PCSK5: variants seen among roughly 807,000 people sequenced by gnomAD.
The protein encoded by PCSK5 is proprotein convertase subtilisin/kexin type 5.
In PCSK5, 129 loss-of-function variants were observed where a neutral mutation model predicts 233.2. The observed-to-expected ratio is 0.55, with a 90% CI of 0.48 to 0.64. The LOEUF is 0.64. Ranked by LOEUF, PCSK5 falls within the 30% of genes least tolerant of loss-of-function variation. The pLI, the probability that PCSK5 is intolerant of heterozygous loss-of-function variation, is 0.00. For synonymous variants in PCSK5, 825 were observed against 879.2 expected, an observed-to-expected ratio of 0.94 and a Z score of 1.09; for missense variants, 2,076 against 2,430.1, an observed-to-expected ratio of 0.85 and a Z score of 3.06.
intron 28 of PCSK5, among the ~76,000 whole-genome samples, chr9:76,302,710 C>G (rs1217898998): frequency 1.3e-5 from 2 of 152,058 alleles, no homozygotes; most frequent in Admixed American, 1.3e-4. Flanking sequence ...GAATGATTTC[C>G]AAATATATTG....
chr9:76,253,212 G>T (rs980722275), intron 24 of PCSK5, among the ~76,000 whole-genome samples: 1 of 151,854 alleles, frequency 6.6e-6, no homozygotes, highest in South Asian at 2.1e-4. Flanking sequence ...ATGGGCAGAT[G>T]GGGAAGGGAC....
intron 27 of PCSK5, among the ~76,000 whole-genome samples, chr9:76,298,832 G>A (rs902111285): frequency 3.3e-5 from 5 of 152,140 alleles, no homozygotes; most frequent in East Asian, 1.9e-4. Context: ...GTACCAGAAC[G>A]TTTTTCTGTT....
intron 24 of PCSK5, among the ~76,000 whole-genome samples, chr9:76,268,333 C>T (rs1345709005): frequency 6.6e-6 from 1 of 152,140 alleles, no homozygotes; most frequent in Admixed American, 6.6e-5. Context: ...TTTCTCTATA[C>T]CTGAATCATA....
At chr9:76,180,690 C>A (rs1006264071) in intron 15 of PCSK5, among the ~76,000 whole-genome samples, 10 of 152,140 alleles carry the variant, frequency 6.6e-5, no homozygotes, top group Non-Finnish European at 1.0e-4. Context: ...CTCCAGTCCC[C>A]CAGACAGACC....
intron 9 of PCSK5, among the ~76,000 whole-genome samples, chr9:76,122,816 CTTTTTTTTTTCT>C (rs1309070488): frequency 7.7e-6 from 1 of 130,516 alleles, no homozygotes; most frequent in African/African-American, 2.9e-5. Flanking sequence ...CTTATTTTTT[CTTTTTTTTTTCT>C]TTTTTTTTTT....
At chr9:76,187,588 C>A (rs1418392302) in intron 17 of PCSK5, among the ~76,000 whole-genome samples, 1 of 152,094 alleles carries the variant, frequency 6.6e-6, no homozygotes, top group East Asian at 1.9e-4. Context: ...GTCTCAAACT[C>A]CTGGCTTCGA....
rs1218524050 is a variant in PCSK5, at chr9:76,134,156, C to G, written c.1256C>G (p.Ser419Cys). ...GTACAGCATGTTATTGTCAGGACTT[C>G]CCGTGCGGGACATTTGAACGCTAAT... The part of the protein sequence containing the change: ...RDVQHVIVRT[S>C]RAGHLNANDW... Residue 419 changes from serine to cysteine, a missense_variant, in exon 10 of 38, where the codon TCC (serine) becomes TGC (cysteine). By Grantham distance (112) the Ser-to-Cys change is moderately radical (BLOSUM62 -1). Coordinates refer to ENST00000674117, the MANE Select transcript of PCSK5 (RefSeq NM_001372043.1). The G allele has an allele frequency of 6.2e-7, 1 of 1,610,224 alleles. No homozygotes were observed. Among genetic ancestry groups the G allele is most frequent in the Non-Finnish European group, 8.5e-7 (1 of 1,178,354 alleles).
chr9:76,144,137 C>G (rs908997753), intron 10 of PCSK5, among the ~76,000 whole-genome samples: 7 of 152,020 alleles, frequency 4.6e-5, no homozygotes, highest in Non-Finnish European at 2.9e-5. Flanking sequence ...TATTCATATT[C>G]TTTTTCTCGG....
rs1338663329 is a variant in PCSK5, at chr9:76,321,549, A to T, written c.4012A>T (p.Asn1338Tyr). ...HVLHHGVCQE[N>Y]CPERHVAVKG... ...CCTGCACCACGGAGTGTGCCAGGAA[A>T]ACTGCCCCGAGAGGCACGTGGCTGT... Residue 1338 changes from asparagine (N) to tyrosine (Y), a missense_variant, in exon 31 of 38, where the codon AAC becomes TAC. By Grantham distance (143) the Asn-to-Tyr change is moderately radical. Coordinates refer to ENST00000674117, the MANE Select transcript of PCSK5 (RefSeq NM_001372043.1). 6 of 1,612,696 alleles carry T rather than the reference A, an allele frequency of 3.7e-6. No homozygotes were observed. Among genetic ancestry groups the T allele is most frequent in the Non-Finnish European group, 8.5e-7 (1 of 1,179,720 alleles).
intron 3 of PCSK5, among the ~76,000 whole-genome samples, chr9:75,994,400 CTTTTTTTTTTTTTTTTTTTTTT>C (rs550518074): frequency 0.54 from 44,625 of 82,270 alleles, 9,511 homozygotes; most frequent in Non-Finnish European, 0.59. Flanking sequence ...TTCTTTCTTT[CTTTTTTTTTTTTTTTTTTTTTT>C]TTTTTTTTTT....
chr9:75,942,743 C>T (rs974520594), intron 2 of PCSK5, among the ~76,000 whole-genome samples: 25 of 151,884 alleles, frequency 1.6e-4, no homozygotes, highest in African/African-American at 5.6e-4. Flanking sequence ...ATAAAAGTGA[C>T]GGCCATAAAA....
chr9:76,317,489 G>A (rs1829065169), intron 30 of PCSK5, among the ~76,000 whole-genome samples: 1 of 152,248 alleles, frequency 6.6e-6, no homozygotes, highest in African/African-American at 2.4e-5. Flanking sequence ...GATTAAACGT[G>A]TGAGTGCTGA....
chr9:76,169,394 C>T (rs12555061), intron 12 of PCSK5, among the ~76,000 whole-genome samples: 17,557 of 152,112 alleles, frequency 0.12, 1,321 homozygotes, highest in Middle Eastern at 0.16. Context: ...AGCTCCTCCA[C>T]GTCTTCAATA....
intron 33 of PCSK5, among the ~76,000 whole-genome samples, chr9:76,329,217 C>T (rs912077197): frequency 3.3e-5 from 5 of 151,874 alleles, no homozygotes; most frequent in African/African-American, 1.2e-4. Flanking sequence ...TTCACTGCAG[C>T]CTTGAACTCC....
chr9:75,893,264 A>G (rs912620141), intron 1 of PCSK5, among the ~76,000 whole-genome samples: 23 of 152,172 alleles, frequency 1.5e-4, no homozygotes, highest in Admixed American at 1.0e-3. Flanking sequence ...CCTCACACAC[A>G]GGAGATGAGG....
In PCSK5 at chr9:75,940,213, G is replaced by A. The variant is rs187554444; in HGVS notation, c.297+7730G>A. Among the ~76,000 whole-genome samples, 22 of 152,272 alleles carry A rather than the reference G, an allele frequency of 1.4e-4. No homozygotes were observed. The East Asian group carries it at 4.1e-3, about 28-fold the overall frequency. On this transcript the variant is annotated intron_variant, in intron 2 of 37. Coordinates refer to ENST00000674117, the MANE Select transcript of PCSK5 (RefSeq NM_001372043.1). The stretch of plus-strand genomic sequence containing the variant: ...CGTGTTGGTTATAATCTGCTTGCCT[G>A]TAACGTCTACCCATCGAGTCTACTT...
Position 76,354,048 on chromosome 9 carries a change from TG to T in PCSK5, c.5084del (p.Cys1695LeufsTer84). Reference protein sequence around the residue: ...YRVGEGEKFNCEKCHESCMEC... With the variant: ...YRVGEGEKFNXEKCHESCMEC... ...CTCTTAACAGGGAGAGAAGTTTAAC[TG>T]TGAAAAATGCCACGAGAGCTGCATG... is the stretch of plus-strand genomic sequence containing the variant. On this transcript the variant is annotated frameshift_variant, in exon 37 of 38. Coordinates refer to ENST00000674117, the MANE Select transcript of PCSK5 (RefSeq NM_001372043.1). LOFTEE classifies it high-confidence loss of function. 5.0e-6 allele frequency: 8 copies of T among 1,609,386 alleles called. No individual in the cohort carries two copies. The highest frequency in any genetic ancestry group is 5.9e-6 in the Non-Finnish European group (7 of 1,178,414).
chr9:76,231,420 CG>C, intron 21 of PCSK5, among the ~76,000 whole-genome samples: 1 of 152,222 alleles, frequency 6.6e-6, no homozygotes, highest in Non-Finnish European at 1.5e-5. Flanking sequence ...CCAAAAAGGC[CG>C]GGGACCACTG....
intron 1 of PCSK5, among the ~76,000 whole-genome samples, chr9:75,902,907 TG>T (rs1323286433): frequency 2.0e-5 from 3 of 152,214 alleles, no homozygotes; most frequent in Non-Finnish European, 2.9e-5. Flanking sequence ...CTGAAGATCG[TG>T]TTGAACACTG....
Sources: allele counts gnomAD v4.1 joint callset (sites outside exome capture counted in the v4.1 genomes callset), GRCh38; gene constraint gnomAD v4.1.1; transcripts MANE v1.5; gene names NCBI Gene and HGNC (gene_info 2026-07-23, HGNC 2026-07-21).